LDHAL6A: variants seen among roughly 807,000 people sequenced by gnomAD.
The protein encoded by LDHAL6A is lactate dehydrogenase A like 6A.
In LDHAL6A, 19 loss-of-function variants were observed where a neutral mutation model predicts 28.2. That is an observed-to-expected ratio of 0.67 (90% CI 0.47 to 0.99). The LOEUF (loss-of-function observed/expected upper bound fraction) is 0.99, where lower values mean the gene tolerates loss of function less well. LDHAL6A is among the 50% of genes least tolerant of loss of function. The probability of loss-of-function intolerance (pLI) is 0.00; values close to 1 mark genes in which losing one functional copy is unlikely to be tolerated. For missense variants in LDHAL6A, 372 were observed against 398.6 expected (o/e 0.93, Z 0.57); for synonymous variants, 144 against 134.4 (o/e 1.07, Z -0.49).
rs1034308399 is a variant in LDHAL6A, at chr11:18,456,543, G to GTC, written c.-136_-135dup. 1 of 712,426 alleles carries GTC rather than the reference G, an allele frequency of 1.4e-6. No homozygotes were observed. The highest frequency in any genetic ancestry group is 1.9e-5 in the African/African-American group (1 of 53,242). The allele number at this position is 712,426 out of a possible 1,614,324, so 44.1% of individuals were successfully genotyped here. A position where few individuals can be genotyped will look rare whatever the true frequency, so the allele number is the denominator to read the frequency against. ...GGTCAGATTTGTCGGTCTTTTGTGTGTCTGCAGCACCTCCTTCCACACGGG... is the reference window on the plus strand; with the variant it reads ...GGTCAGATTTGTCGGTCTTTTGTGTGTCTCTGCAGCACCTCCTTCCACACGGG... On this transcript the variant is annotated 5_prime_UTR_variant, in exon 1 of 7. An upstream open reading frame in the 5' UTR gains an earlier in-frame stop. Coordinates refer to ENST00000280706, the MANE Select transcript of LDHAL6A (RefSeq NM_144972.5).
chr11:18,468,063 A>G (rs1175925072), intron 3 of LDHAL6A, among the ~76,000 whole-genome samples: 7 of 22,330 alleles, frequency 3.1e-4, no homozygotes, highest in African/African-American at 1.4e-3. Context: ...ATATATATAC[A>G]TATATATATA....
At chr11:18,476,600 TC>T in intron 5 of LDHAL6A, 99 bp downstream of exon 5, 3 of 1,489,972 alleles carry the variant, frequency 2.0e-6, no homozygotes, top group Non-Finnish European at 2.7e-6. Context: ...TTGTTGTATT[TC>T]CCATATTTTT....
chr11:18,476,978 G>A (rs529399111), intron 5 of LDHAL6A, among the ~76,000 whole-genome samples: 1 of 149,254 alleles, frequency 6.7e-6, no homozygotes, highest in African/African-American at 2.5e-5. Flanking sequence ...CATCTCTGCT[G>A]AGGTGTGGGA....
intron 3 of LDHAL6A, among the ~76,000 whole-genome samples, chr11:18,474,328 C>T (rs928376929): frequency 7.9e-5 from 12 of 151,812 alleles, no homozygotes; most frequent in East Asian, 1.9e-4. Context: ...CCACCCGCCT[C>T]GGCCTCCCAA....
intron 3 of LDHAL6A, among the ~76,000 whole-genome samples, chr11:18,467,880 CATATAT>C (rs1161164040): frequency 0.012 from 535 of 44,398 alleles, 51 homozygotes; most frequent in South Asian, 0.051. Flanking sequence ...TATATACACA[CATATAT>C]ATATATATAT....
chr11:18,476,705 T>A, intron 5 of LDHAL6A: 1 of 751,016 alleles, frequency 1.3e-6, no homozygotes, highest in Non-Finnish European at 1.6e-6. Context: ...TTCCTGAGCC[T>A]AACCCAGTAT....
At chr11:18,459,114 G>T (rs1475443511) in intron 1 of LDHAL6A, among the ~76,000 whole-genome samples, 1 of 152,054 alleles carries the variant, frequency 6.6e-6, no homozygotes, top group Non-Finnish European at 1.5e-5. Flanking sequence ...AAGGATGCAG[G>T]GTATTGTTCC....
In LDHAL6A at chr11:18,456,263, C is replaced by T. The variant is rs1848750853; in HGVS notation, c.-418C>T. On this transcript the variant is annotated 5_prime_UTR_variant, in exon 1 of 7. Transcript: ENST00000280706. ...CAGAAGTACCTCTCACCTGGACCTG[C>T]GGACCCCGGGCGCAGTCCTGGAGCT... The T allele has an allele frequency of 1.1e-5, 2 of 177,398 alleles. No homozygotes were observed. The highest frequency in any genetic ancestry group is 2.4e-5 in the Non-Finnish European group (2 of 85,074). 11.0% of individuals were successfully genotyped at this position (177,398 alleles called of 1,614,324 possible).
At chr11:18,466,384 G>C (rs1322772639) in intron 3 of LDHAL6A, among the ~76,000 whole-genome samples, 1 of 152,144 alleles carries the variant, frequency 6.6e-6, no homozygotes, top group Non-Finnish European at 1.5e-5. Context: ...CAGATGCAGT[G>C]GCTGAAGCCT....
chr11:18,472,361 T>C (rs116219154), intron 3 of LDHAL6A, among the ~76,000 whole-genome samples: 2,671 of 152,348 alleles, frequency 0.018, 69 homozygotes, highest in African/African-American at 0.06. Context: ...TCAGACTGTT[T>C]CAGTATCACT....
intron 1 of LDHAL6A, among the ~76,000 whole-genome samples, chr11:18,462,443 C>T (rs1473686404): frequency 2.0e-5 from 3 of 151,902 alleles, no homozygotes; most frequent in Non-Finnish European, 4.4e-5. Flanking sequence ...CAAGACCATC[C>T]TGGCTAACAC....
At chr11:18,464,983 TTTTG>T (rs774396531) in intron 2 of LDHAL6A, among the ~76,000 whole-genome samples, 4 of 137,834 alleles carry the variant, frequency 2.9e-5, no homozygotes, top group Non-Finnish European at 4.7e-5. Flanking sequence ...TTTTGTTTTT[TTTTG>T]TTTTGTTTTG....
At chr11:18,468,065 A>ATC (rs1849165248) in intron 3 of LDHAL6A, among the ~76,000 whole-genome samples, 2 of 47,476 alleles carry the variant, frequency 4.2e-5, no homozygotes, top group South Asian at 6.6e-4. Flanking sequence ...ATATATACAT[A>ATC]TATATATATA....
At position 18,465,711 on chromosome 11, in the gene LDHAL6A, C is replaced by A. The variant is rs749518468; in HGVS notation, c.319C>A (p.Leu107Ile). ...GARQKKGETR[L>I]DLVQRNVSIF... ...ACGCCAGAAAAAAGGAGAAACACGC[C>A]TTGATTTAGTCCAGCGAAATGTATC... is the stretch of plus-strand genomic sequence containing the variant. Residue 107 changes from leucine (L) to isoleucine (I), a missense_variant, in exon 3 of 7, where the codon CTT (leucine) becomes ATT (isoleucine). Transcript: ENST00000280706. The A allele has an allele frequency of 1.4e-5, 23 of 1,613,848 alleles. No homozygotes were observed. Among genetic ancestry groups the A allele is most frequent in the African/African-American group, 4.0e-5 (3 of 75,014 alleles).
intron 6 of LDHAL6A, among the ~76,000 whole-genome samples, chr11:18,478,141 T>C (rs1361750163): frequency 6.6e-6 from 1 of 152,084 alleles, no homozygotes; most frequent in East Asian, 1.9e-4. Context: ...TAGCAGTTAG[T>C]CTCCTGGGGA....
chr11:18,477,591 CT>C (rs759664336), intron 5 of LDHAL6A, 28 bp from the exon 6 acceptor site: 4 of 1,570,368 alleles, frequency 2.5e-6, no homozygotes, highest in Non-Finnish European at 3.4e-6. Context: ...TGCATCTTAA[CT>C]TATGTTTATG....
chr11:18,474,382 G>GT (rs1565074799), intron 3 of LDHAL6A, among the ~76,000 whole-genome samples: 1 of 148,234 alleles, frequency 6.7e-6, no homozygotes, highest in East Asian at 2.0e-4. Flanking sequence ...TGGTGATGAC[G>GT]TATGTTTCTT....
chr11:18,477,773 A>G (rs1849426959), intron 6 of LDHAL6A, 30 bp downstream of exon 6: 1 of 1,572,126 alleles, frequency 6.4e-7, no homozygotes, highest in Non-Finnish European at 8.6e-7. Flanking sequence ...AAAATCATTA[A>G]CTCAACATAA....
At chr11:18,461,239 G>A (rs1420354254) in intron 1 of LDHAL6A, among the ~76,000 whole-genome samples, 1 of 151,708 alleles carries the variant, frequency 6.6e-6, no homozygotes, top group African/African-American at 2.4e-5. Flanking sequence ...CTGCCTCCTG[G>A]GTTCAAGCGA....
Sources: gnomAD v4.1 joint callset for allele counts (sites outside exome capture counted in the v4.1 genomes callset) on GRCh38, gnomAD v4.1.1 for gene constraint, MANE v1.5 for transcripts, NCBI Gene and HGNC (gene_info 2026-07-23, HGNC 2026-07-21) for gene names.